Variants in SUMF2 observed in about 807,000 individuals in gnomAD.
The protein encoded by SUMF2 is inactive C-alpha-formylglycine-generating enzyme 2.
SUMF2 carries 45 observed loss-of-function variants against 44.8 expected under a neutral mutation model. That is an observed-to-expected ratio of 1.00 (90% CI 0.79 to 1.29). The LOEUF is 1.29. SUMF2 is among the 50% of genes most tolerant of loss of function. The pLI, the probability that SUMF2 is intolerant of heterozygous loss-of-function variation, is 0.00. For synonymous variants in SUMF2, 148 were observed against 150.4 expected, an observed-to-expected ratio of 0.98 and a Z score of 0.12; for missense variants, 418 against 389.9, an observed-to-expected ratio of 1.07 and a Z score of -0.61.
At chr7:56,081,053 C>G (rs533321342), downstream of SUMF2, 1 of 1,612,090 alleles carries the variant, frequency 6.2e-7, no homozygotes, top group Non-Finnish European at 8.5e-7. The surrounding 1 kb of genome is among the most constrained non-coding windows in gnomAD (Gnocchi z 4.6). Flanking sequence ...TGGCCAGCCC[C>G]TCAGTAGTCC....
Position 56,064,307 on chromosome 7 carries a change from TCCTGATGGC to T in SUMF2, c.-2_7del. On this transcript the variant is annotated start_lost and 5_prime_UTR_variant, in exon 1 of 9. Transcript: ENST00000434526. ...GGGTGTACGCGGCGCAGCGCGGCAG[TCCTGATGGC>T]CCGGCATGGGTTACCGCTGCTGCCC... 3.0e-5 allele frequency: 47 copies of T among 1,588,934 alleles called. No individual in the cohort carries two copies. The highest frequency in any genetic ancestry group is 3.9e-5 in the Non-Finnish European group (46 of 1,167,928).
intron 3 of SUMF2, chr7:56,073,942 G>C (rs1795351756): frequency 1.7e-6 from 1 of 574,236 alleles, no homozygotes; most frequent in African/African-American, 1.9e-5. Context: ...CTGAGTCCAG[G>C]AGGTTGAGAC....
rs767046769 is a variant in SUMF2 at position 56,068,555 on chromosome 7, C to T, written c.141C>T (p.Ser47=). 2 of 1,614,034 alleles carry T rather than the reference C, an allele frequency of 1.2e-6. No homozygotes were observed. Among genetic ancestry groups the T allele is most frequent in the Non-Finnish European group, 1.7e-6 (2 of 1,179,990 alleles). The change falls in exon 2 of 9, where the codon AGC becomes AGT. Residue 47 remains serine (S), a synonymous_variant. Coordinates refer to ENST00000434526, the MANE Select transcript of SUMF2 (RefSeq NM_015411.4). ...TGATGGGAACAAATTCTCCAGACAG[C>T]AGAGATGGTGACGGGCCTGTGCGGG... ...RFLMGTNSPD[S]RDGDGPVREA...
At chr7:56,081,167 C>T (rs200148808), downstream of SUMF2, 103 of 1,613,890 alleles carry the variant, frequency 6.4e-5, no homozygotes, top group African/African-American at 2.4e-4. The surrounding 1 kb of genome is among the most constrained non-coding windows in gnomAD (Gnocchi z 4.6). Context: ...ATTCGGAAAG[C>T]GTAGGCGTCG....
downstream of SUMF2, among the ~76,000 whole-genome samples, chr7:56,085,503 G>A (rs962337011): frequency 6.6e-6 from 1 of 152,178 alleles, no homozygotes; most frequent in Non-Finnish European, 1.5e-5. Context: ...GCCAAAGCAG[G>A]GGCATGATGA....
At chr7:56,072,807 C>T (rs1441156012) in intron 2 of SUMF2, among the ~76,000 whole-genome samples, 190 bp from the exon 3 acceptor site, 1 of 152,158 alleles carries the variant, frequency 6.6e-6, no homozygotes, top group Non-Finnish European at 1.5e-5. Context: ...GTGAATTTTA[C>T]TGTATGTGAA....
rs571120859 is a variant in SUMF2, at chr7:56,075,012, C to G, written c.535+276C>G. On this transcript the variant is annotated intron_variant, in intron 5 of 8. Coordinates refer to ENST00000434526, the MANE Select transcript of SUMF2 (RefSeq NM_015411.4). Reference sequence around the variant, plus strand: ...ACTCAGGAGGCTGAGGTGGGAAGATCCTTTGAGCCTAGGAGTTCAAAGCTG... The same window carrying G: ...ACTCAGGAGGCTGAGGTGGGAAGATGCTTTGAGCCTAGGAGTTCAAAGCTG... Among the ~76,000 whole-genome samples the G allele has an allele frequency of 8.6e-5, 13 of 151,986 alleles. No homozygotes were observed. The South Asian group carries it at 2.7e-3, about 32-fold the overall frequency.
the SUMF2 span, chr7:56,087,855 T>A: frequency 8.8e-7 from 1 of 1,139,676 alleles, no homozygotes; most frequent in Non-Finnish European, 1.3e-6. Context: ...GCAGCAGAGA[T>A]GTCCTGCCCT....
downstream of SUMF2, chr7:56,084,370 ATTTTTTTTTT>A: frequency 4.9e-6 from 2 of 408,794 alleles, no homozygotes; most frequent in African/African-American, 2.5e-5. Flanking sequence ...GAGTATCCCG[ATTTTTTTTTT>A]TTTTTTTTTT....
Position 56,074,754 on chromosome 7 carries a change from C to T in SUMF2, c.535+18C>T. The T allele has an allele frequency of 1.2e-6, 2 of 1,613,820 alleles. No homozygotes were observed. Among genetic ancestry groups the T allele is most frequent in the African/African-American group, 1.3e-5 (1 of 75,026 alleles). ...CTTGAAGGGTATCCAGATGATAAGG[C>T]GATTTTCCTTTATTCTTCTCCCCAT... On this transcript the variant is annotated intron_variant, in intron 5 of 8. Transcript: ENST00000434526.
chr7:56,087,462 A>C, the SUMF2 span: 6 of 752,726 alleles, frequency 8.0e-6, no homozygotes, highest in Non-Finnish European at 1.1e-5. Context: ...CTATCAGAGC[A>C]GTGAGGGTGG....
chr7:56,081,206 A>G (rs1795964529), downstream of SUMF2: 1 of 1,613,888 alleles, frequency 6.2e-7, no homozygotes, highest in Non-Finnish European at 8.5e-7. The surrounding 1 kb of genome is among the most constrained non-coding windows in gnomAD (Gnocchi z 4.6). Flanking sequence ...CGGAGGGCAT[A>G]GGGGTCTCGG....
At chr7:56,066,221 C>T (rs1794788957) in intron 1 of SUMF2, among the ~76,000 whole-genome samples, 1 of 151,710 alleles carries the variant, frequency 6.6e-6, no homozygotes, top group Non-Finnish European at 1.5e-5. Context: ...AAGACAAGGA[C>T]TCTGCCTTGA....
At chr7:56,064,428 G>C (rs772689451) in intron 1 of SUMF2, 50 bp downstream of exon 1, 1 of 1,562,822 alleles carries the variant, frequency 6.4e-7, no homozygotes, top group South Asian at 1.2e-5. Flanking sequence ...GGGATGGGGC[G>C]CTCCGCCCTG....
chr7:56,078,014 C>A, intron 6 of SUMF2, 88 bp from the exon 7 acceptor site: 3 of 1,152,996 alleles, frequency 2.6e-6, no homozygotes, highest in South Asian at 1.4e-5. Flanking sequence ...GATGCAACAG[C>A]AAGACGACCT....
At position 56,069,358 on chromosome 7, in the gene SUMF2, A is replaced by G. The variant is rs547049708; in HGVS notation, c.224+720A>G. On this transcript the variant is annotated intron_variant, in intron 2 of 8. Transcript: ENST00000434526. The stretch of plus-strand genomic sequence containing the variant: ...GCTGGCTCACACCTGCAATGTGAGC[A>G]CTTTGGGAGGCCGAGGTGGGAGGAT... 2.0e-4 allele frequency among the ~76,000 whole-genome samples: 30 copies of G among 152,156 alleles called. No homozygotes were observed. The South Asian group carries it at 6.0e-3, about 31-fold the overall frequency.
downstream of SUMF2, chr7:56,082,299 A>C (rs1796042769): frequency 2.0e-6 from 3 of 1,484,092 alleles, no homozygotes; most frequent in South Asian, 3.4e-5. Context: ...GGCACTCAGA[A>C]GAGGAAGTCC....
intron 1 of SUMF2, among the ~76,000 whole-genome samples, chr7:56,066,157 A>G (rs554662893): frequency 7.9e-5 from 12 of 152,068 alleles, no homozygotes; most frequent in African/African-American, 2.4e-4. Context: ...GGATGAAATC[A>G]CTGAGAGTGT....
Position 56,078,127 on chromosome 7 carries a change from C to T in SUMF2, c.617C>T (p.Ala206Val). Reference protein sequence around the residue: ...WQGKFPKGDKAEDGFHGVSPV... With the variant: ...WQGKFPKGDKVEDGFHGVSPV... ...GGAAAGTTCCCCAAGGGAGACAAAGCTGAGGATGGCTTCCATGGAGTCTCC... is the reference window on the plus strand; with the variant it reads ...GGAAAGTTCCCCAAGGGAGACAAAGTTGAGGATGGCTTCCATGGAGTCTCC... The change falls in exon 7 of 9, where the codon GCT becomes GTT. Residue 206 changes from alanine to valine, a missense_variant. Coordinates refer to ENST00000434526, the MANE Select transcript of SUMF2 (RefSeq NM_015411.4). 1 of 1,612,886 alleles carries T rather than the reference C, an allele frequency of 6.2e-7. No individual in the cohort carries two copies. Among genetic ancestry groups the T allele is most frequent in the Non-Finnish European group, 8.5e-7 (1 of 1,179,060 alleles).
Sources: allele counts gnomAD v4.1 joint callset (sites outside exome capture counted in the v4.1 genomes callset), GRCh38; gene constraint gnomAD v4.1.1; non-coding constraint Gnocchi (gnomAD v3.1); transcripts MANE v1.5; gene names NCBI Gene and HGNC (gene_info 2026-07-23, HGNC 2026-07-21).